OSR1: variants seen among roughly 807,000 people sequenced by gnomAD.
The protein encoded by OSR1 is protein odd-skipped-related 1.
OSR1 carries 3 observed loss-of-function variants against 15.7 expected under a neutral mutation model. The ratio of observed to expected loss-of-function variants is 0.19; its 90% confidence interval spans 0.09 to 0.50. OSR1 has a LOEUF of 0.50. Ranked by LOEUF, OSR1 falls within the 20% of genes least tolerant of loss-of-function variation. The probability of loss-of-function intolerance (pLI) is 0.97; values close to 1 mark genes in which losing one functional copy is unlikely to be tolerated. For missense variants in OSR1, 271 were observed against 351.1 expected (o/e 0.77, Z 1.82); for synonymous variants, 166 against 152.7 (o/e 1.09, Z -0.64).
downstream of OSR1, chr2:19,348,630 T>C (rs1406429311): frequency 2.6e-5 from 4 of 153,768 alleles, no homozygotes; most frequent in Non-Finnish European, 5.9e-5. Context: ...TCACATTGCG[T>C]CCCTCCCCAC....
At chr2:19,351,124 C>A (rs1342567171), downstream of OSR1, among the ~76,000 whole-genome samples, 1 of 152,142 alleles carries the variant, frequency 6.6e-6, no homozygotes, top group Non-Finnish European at 1.5e-5. Context: ...GCACCCTAAG[C>A]GATCTCAGCA....
downstream of OSR1, among the ~76,000 whole-genome samples, chr2:19,347,591 C>G (rs990496799): frequency 1.3e-5 from 2 of 152,246 alleles, no homozygotes; most frequent in East Asian, 3.8e-4. Context: ...CTGGGCCCAA[C>G]TACCAACTGG....
At chr2:19,349,945 G>C (rs1664804728), downstream of OSR1, among the ~76,000 whole-genome samples, 1 of 152,178 alleles carries the variant, frequency 6.6e-6, no homozygotes, top group African/African-American at 2.4e-5. Flanking sequence ...CACAACCTGC[G>C]TGCGCCGCTT....
downstream of OSR1, among the ~76,000 whole-genome samples, chr2:19,350,976 A>AC (rs1664827730): frequency 6.6e-6 from 1 of 151,956 alleles, no homozygotes; most frequent in South Asian, 2.1e-4. Flanking sequence ...GTGTATTTGC[A>AC]CCCGAGTGTT....
chr2:19,350,190 G>C (rs1453855735), downstream of OSR1, among the ~76,000 whole-genome samples: 1 of 152,208 alleles, frequency 6.6e-6, no homozygotes, highest in East Asian at 1.9e-4. Flanking sequence ...CAAGATTTTG[G>C]GACCAAACAC....
intron 1 of OSR1, 109 bp from the exon 2 acceptor site, chr2:19,353,946 G>T: frequency 3.3e-6 from 3 of 918,684 alleles, no homozygotes; most frequent in South Asian, 1.8e-5. Context: ...CACACCCAGC[G>T]CAGGAGCTAA....
At chr2:19,353,919 G>C (rs553707403) in intron 1 of OSR1, 82 bp from the exon 2 acceptor site, 30 of 1,155,156 alleles carry the variant, frequency 2.6e-5, no homozygotes, top group Non-Finnish European at 3.4e-5. Context: ...AATTCCAGCC[G>C]AGCCACACCC....
Position 19,353,343 on chromosome 2 carries a change from T to C in OSR1, c.463A>G (p.Lys155Glu), listed in dbSNP as rs142934357. ...GTGGGCTTCTTTTCTGGAGACAGCT[T>C]GGTCACGTCGAGGAGGGCACCCAGC... ...GGLGALLDVTKLSPEKKPTRG... is the reference protein window; with the variant it reads ...GGLGALLDVTELSPEKKPTRG... Residue 155 changes from lysine to glutamate, a missense_variant, in exon 2 of 3, where the codon AAG becomes GAG. Transcript: ENST00000272223. The C allele has an allele frequency of 6.2e-7, 1 of 1,614,240 alleles. No homozygotes were observed. The highest frequency in any genetic ancestry group is 8.5e-7 in the Non-Finnish European group (1 of 1,180,032).
chr2:19,350,503 G>A (rs1228289066), downstream of OSR1, among the ~76,000 whole-genome samples: 3 of 152,182 alleles, frequency 2.0e-5, no homozygotes, highest in African/African-American at 7.2e-5. Flanking sequence ...GCTTGAGGCT[G>A]GGATTTTTGG....
chr2:19,352,993 T>C (rs1412439824), intron 2 of OSR1, 148 bp downstream of exon 2: 2 of 1,013,932 alleles, frequency 2.0e-6, no homozygotes, highest in Admixed American at 5.6e-5. Context: ...TATCCCTGGA[T>C]CTCCTAGGCT....
Position 19,353,228 on chromosome 2 carries a change from T to G in OSR1, c.578A>C (p.His193Pro). The change falls in exon 2 of 3, where the codon CAT (histidine) becomes CCT (proline). Residue 193 changes from histidine to proline, a missense_variant. Coordinates refer to ENST00000272223, the MANE Select transcript of OSR1 (RefSeq NM_145260.3). ...HFTKSYNLLI[H>P]ERTHTDERPY... Reference sequence around the variant, plus strand: ...CCGCTCGTCGGTGTGCGTCCGCTCATGGATAAGTAGGTTGTAGGACTTGGT... The same window carrying G: ...CCGCTCGTCGGTGTGCGTCCGCTCAGGGATAAGTAGGTTGTAGGACTTGGT... 1 of 1,614,122 alleles carries G rather than the reference T, an allele frequency of 6.2e-7. No individual in the cohort carries two copies. The highest frequency in any genetic ancestry group is 2.2e-5 in the East Asian group (1 of 44,862).
In OSR1 at chr2:19,353,889, G is replaced by C. The variant is rs45620831; in HGVS notation, c.-32-52C>G. 8.9e-5 allele frequency: 127 copies of C among 1,423,276 alleles called. No homozygotes were observed. In the African/African-American group the frequency reaches 1.7e-3, roughly 19 times the overall value. 88.2% of individuals were successfully genotyped at this position (1,423,276 alleles called of 1,614,324 possible). A position where few individuals can be genotyped will look rare whatever the true frequency, so the allele number is the denominator to read the frequency against. ...CGTGGAGAGGAATAAAGAAGTTCAG[G>C]GTGGGTCGCCTTCCTCCTGAATTCC... On this transcript the variant is annotated intron_variant, in intron 1 of 2. Coordinates refer to ENST00000272223, the MANE Select transcript of OSR1 (RefSeq NM_145260.3).
chr2:19,348,901 TC>T (rs146406540), downstream of OSR1, among the ~76,000 whole-genome samples: 3,802 of 152,266 alleles, frequency 0.025, 162 homozygotes, highest in African/African-American at 0.086. Flanking sequence ...CCAGATAGCT[TC>T]CCCAGCCGTA....
Position 19,353,334 on chromosome 2 carries a change from G to T in OSR1, c.472C>A (p.Pro158Thr). 1 of 1,614,254 alleles carries T rather than the reference G, an allele frequency of 6.2e-7. No individual in the cohort carries two copies. Among genetic ancestry groups the T allele is most frequent in the Non-Finnish European group, 8.5e-7 (1 of 1,180,048 alleles). ...CGTCCCCTTGTGGGCTTCTTTTCTG[G>T]AGACAGCTTGGTCACGTCGAGGAGG... ...GALLDVTKLS[P>T]EKKPTRGRLP... The change falls in exon 2 of 3, where the codon CCA (proline) becomes ACA (threonine). Residue 158 changes from proline (P) to threonine (T), a missense_variant. Pro to Thr is a conservative substitution (Grantham distance 38). Around this residue, in one of 4 missense-constraint regions of OSR1, gnomAD observed 210 missense variants for 218.4 expected, o/e 0.96. Coordinates refer to ENST00000272223, the MANE Select transcript of OSR1 (RefSeq NM_145260.3).
At chr2:19,355,553 G>A (rs1664931498) in intron 1 of OSR1, 1 of 152,420 alleles carries the variant, frequency 6.6e-6, no homozygotes. Context: ...CTGGCACGGG[G>A]GCCACTGGCT....
chr2:19,349,705 G>A (rs1175093773), downstream of OSR1, among the ~76,000 whole-genome samples: 1 of 152,178 alleles, frequency 6.6e-6, no homozygotes, highest in Non-Finnish European at 1.5e-5. Flanking sequence ...GTTCTGGGAG[G>A]TGGAGGGATG....
rs1446923053 is a variant in OSR1 at position 19,353,127 on chromosome 2, C to T, written c.665+14G>A. The T allele has an allele frequency of 6.2e-7, 1 of 1,611,704 alleles. No homozygotes were observed. The highest frequency in any genetic ancestry group is 1.1e-5 in the South Asian group (1 of 91,048). ...GGCAGAGAGCTCTCTCTTGCGCCAC[C>T]CGCAGTGCCGCACCTGTGGTCTCGC... On this transcript the variant is annotated intron_variant, in intron 2 of 2. Transcript: ENST00000272223.
downstream of OSR1, among the ~76,000 whole-genome samples, chr2:19,350,436 A>G (rs1664814092): frequency 6.6e-6 from 1 of 151,980 alleles, no homozygotes; most frequent in South Asian, 2.1e-4. Context: ...GGGTGGTGAA[A>G]GCCCAGAGCG....
At chr2:19,353,892 G>T in intron 1 of OSR1, 55 bp from the exon 2 acceptor site, 1 of 1,409,356 alleles carries the variant, frequency 7.1e-7, no homozygotes, top group Non-Finnish European at 9.5e-7. Context: ...AGTTCAGGGT[G>T]GGTCGCCTTC....
Sources: allele counts gnomAD v4.1 joint callset (sites outside exome capture counted in the v4.1 genomes callset), GRCh38; gene constraint gnomAD v4.1.1; regional missense constraint gnomAD v4.1.1; transcripts MANE v1.5; gene names NCBI Gene and HGNC (gene_info 2026-07-23, HGNC 2026-07-21).